The following KCNIP1 variants were observed in gnomAD, a reference collection of about 807,000 sequenced individuals.
KCNIP1 encodes the protein potassium voltage-gated channel interacting protein 1, also known as A-type potassium channel modulatory protein KCNIP1.
A neutral mutation model predicts 33.0 loss-of-function variants in KCNIP1; 18 were observed. The ratio of observed to expected loss-of-function variants is 0.55; its 90% CI spans 0.38 to 0.81. The LOEUF (loss-of-function observed/expected upper bound fraction) is 0.81, where lower values mean the gene tolerates loss of function less well. Among genes scored for constraint, KCNIP1 ranks in the 30% least tolerant of loss-of-function variants. The pLI, the probability that KCNIP1 is intolerant of heterozygous loss-of-function variation, is 0.00. For synonymous variants in KCNIP1, 93 were observed against 98.3 expected (o/e 0.95, Z 0.32); for missense variants, 238 against 271.6 (o/e 0.88, Z 0.87).
chr5:170,637,809 G>A (rs1760349135), intron 1 of KCNIP1, among the ~76,000 whole-genome samples: 1 of 152,160 alleles, frequency 6.6e-6, no homozygotes, highest in Non-Finnish European at 1.5e-5. Context: ...TGAAATACAT[G>A]TGAGCGATGC....
At chr5:170,576,337 T>C (rs958309209) in intron 1 of KCNIP1, among the ~76,000 whole-genome samples, 3 of 152,174 alleles carry the variant, frequency 2.0e-5, no homozygotes, top group Non-Finnish European at 4.4e-5. Context: ...GGAAGCAAGA[T>C]ATAAGCTATG....
At chr5:170,679,991 C>A (rs1762275669) in intron 1 of KCNIP1, among the ~76,000 whole-genome samples, 1 of 152,090 alleles carries the variant, frequency 6.6e-6, no homozygotes, top group Non-Finnish European at 1.5e-5. Flanking sequence ...TGGATATATA[C>A]AATTTATTTA....
chr5:170,462,274 A>AG (rs1756520815), intron 1 of KCNIP1, among the ~76,000 whole-genome samples: 2 of 149,524 alleles, frequency 1.3e-5, no homozygotes, highest in Admixed American at 6.6e-5. Flanking sequence ...CAAAAAAAAA[A>AG]AAAAAAAAAA....
chr5:170,731,759 G>C (rs77324625), intron 5 of KCNIP1, among the ~76,000 whole-genome samples: 3,931 of 150,854 alleles, frequency 0.026, 94 homozygotes, highest in Non-Finnish European at 0.04. Flanking sequence ...AGAGACTAAG[G>C]AGACACAACA....
chr5:170,571,531 A>T (rs1757408237), intron 1 of KCNIP1, among the ~76,000 whole-genome samples: 1 of 152,110 alleles, frequency 6.6e-6, no homozygotes, highest in South Asian at 2.1e-4. Context: ...TTTTCCCCTA[A>T]TTTATACCAC....
intron 1 of KCNIP1, among the ~76,000 whole-genome samples, chr5:170,554,508 G>A (rs77510042): frequency 0.03 from 4,610 of 152,288 alleles, 76 homozygotes; most frequent in East Asian, 0.085. Flanking sequence ...AGCAGCTCTT[G>A]AGGCCAGAAG....
intron 1 of KCNIP1, among the ~76,000 whole-genome samples, chr5:170,589,174 T>G (rs1758112294): frequency 6.6e-6 from 1 of 151,996 alleles, no homozygotes. Flanking sequence ...ACTTTTTTTG[T>G]ATTTTTAGTA....
intron 1 of KCNIP1, among the ~76,000 whole-genome samples, chr5:170,530,995 T>C (rs1755768095): frequency 6.6e-6 from 1 of 152,196 alleles, no homozygotes; most frequent in African/African-American, 2.4e-5. Flanking sequence ...CTCTTCGAGA[T>C]TCTCTGCACT....
At chr5:170,728,700 A>T (rs888594803) in intron 5 of KCNIP1, among the ~76,000 whole-genome samples, 3 of 152,162 alleles carry the variant, frequency 2.0e-5, no homozygotes, top group Non-Finnish European at 2.9e-5. Flanking sequence ...TATATTATAA[A>T]GATAGCAATA....
At chr5:170,503,732 A>ACACACACACACACACGCACGCACAT (rs1581248713), upstream of KCNIP1, among the ~76,000 whole-genome samples, 3 of 35,002 alleles carry the variant, frequency 8.6e-5, no homozygotes, top group Non-Finnish European at 2.1e-4. Flanking sequence ...CATCACACAC[A>ACACACACACACACACGCACGCACAT]CACACACACA....
intron 1 of KCNIP1, among the ~76,000 whole-genome samples, chr5:170,564,595 A>G (rs1757143970): frequency 6.6e-6 from 1 of 152,168 alleles, no homozygotes; most frequent in African/African-American, 2.4e-5. Flanking sequence ...CCCGTGATCT[A>G]TATTTTAAGA....
At chr5:170,440,534 G>A (rs560935662) in intron 1 of KCNIP1, among the ~76,000 whole-genome samples, 1 of 152,306 alleles carries the variant, frequency 6.6e-6, no homozygotes, top group East Asian at 1.9e-4. Flanking sequence ...CCCCCTCCTA[G>A]GGGAGAGTCA....
At chr5:170,590,272 A>G (rs1007306874) in intron 1 of KCNIP1, among the ~76,000 whole-genome samples, 2 of 152,084 alleles carry the variant, frequency 1.3e-5, no homozygotes, top group Non-Finnish European at 2.9e-5. Context: ...GGCCAAAGAT[A>G]CTTCCAGCCA....
intron 1 of KCNIP1, among the ~76,000 whole-genome samples, chr5:170,390,539 T>TATATATATATATATATATATATATA (rs1581143220): frequency 1.0e-4 from 14 of 133,722 alleles, no homozygotes; most frequent in African/African-American, 2.4e-4. Context: ...TATATATATA[T>TATATATATATATATATATATATATA]TTTCAACAAA....
In KCNIP1 at chr5:170,573,507, G is replaced by C. The variant is rs539558394; in HGVS notation, c.61+68874G>C. On this transcript the variant is annotated intron_variant, in intron 1 of 7. Coordinates refer to ENST00000328939, the MANE Select transcript of KCNIP1 (RefSeq NM_014592.4). ...ATGTAAACATCAATTTACTATTTTA[G>C]GTTGTCTGTTTTAATCACCTTATAA... is the stretch of plus-strand genomic sequence containing the variant. 2.6e-4 allele frequency among the ~76,000 whole-genome samples: 40 copies of C among 152,186 alleles called. No homozygotes were observed. In the South Asian group the frequency reaches 7.9e-3, roughly 30 times the overall value.
chr5:170,356,181 A>G (rs1224431158), intron 1 of KCNIP1, among the ~76,000 whole-genome samples: 1 of 152,198 alleles, frequency 6.6e-6, no homozygotes, highest in Non-Finnish European at 1.5e-5. Context: ...ATACATTATG[A>G]TTGCTTAATG....
chr5:170,448,943 C>T (rs376235801), intron 1 of KCNIP1, among the ~76,000 whole-genome samples: 3 of 152,156 alleles, frequency 2.0e-5, no homozygotes, highest in East Asian at 1.9e-4. Context: ...GTAAGGGACC[C>T]GTCTAGGGCT....
At chr5:170,562,506 A>T (rs780177062) in intron 1 of KCNIP1, among the ~76,000 whole-genome samples, 2 of 152,166 alleles carry the variant, frequency 1.3e-5, no homozygotes, top group African/African-American at 4.8e-5. Flanking sequence ...TGGATGAGTA[A>T]ATGAATGCTG....
intron 1 of KCNIP1, among the ~76,000 whole-genome samples, chr5:170,388,163 T>A (rs1273727320): frequency 6.6e-6 from 1 of 152,246 alleles, no homozygotes; most frequent in Non-Finnish European, 1.5e-5. Context: ...AAGGAGAGGC[T>A]TCCCTGTCAC....
Sources: gnomAD v4.1 joint callset for allele counts (sites outside exome capture counted in the v4.1 genomes callset) on GRCh38, gnomAD v4.1.1 for gene constraint, MANE v1.5 for transcripts, NCBI Gene and HGNC (gene_info 2026-07-23, HGNC 2026-07-21) for gene names.